Variants in CRTC3 observed in about 807,000 individuals in gnomAD.
The protein encoded by CRTC3 is CREB-regulated transcription coactivator 3.
A neutral mutation model predicts 74.5 loss-of-function variants in CRTC3; 26 were observed. The ratio of observed to expected loss-of-function variants is 0.35; its 90% CI spans 0.26 to 0.48. CRTC3 has a LOEUF of 0.48. CRTC3 is among the 20% of genes least tolerant of loss of function. The pLI, the probability that CRTC3 is intolerant of heterozygous loss-of-function variation, is 0.99. For missense variants in CRTC3, 760 were observed against 787.3 expected (o/e 0.97, Z 0.41); for synonymous variants, 377 against 325.8 (o/e 1.16, Z -1.69).
chr15:90,593,514 C>T lies in CRTC3; in HGVS notation c.232-122C>T. On this transcript the variant is annotated intron_variant, in intron 2 of 14. Coordinates refer to ENST00000268184, the MANE Select transcript of CRTC3 (RefSeq NM_022769.5). Reference sequence around the variant, plus strand: ...TTTATTTACCTTGACCCAAGGCCCACTAATGTATAATAAGTAAAACTGTAA... The same window carrying T: ...TTTATTTACCTTGACCCAAGGCCCATTAATGTATAATAAGTAAAACTGTAA... 11 of 1,105,950 alleles carry T rather than the reference C, an allele frequency of 9.9e-6. No individual in the cohort carries two copies. The South Asian group carries it at 1.0e-4, about 10-fold the overall frequency. The allele number at this position is 1,105,950 out of a possible 1,614,324, so 68.5% of individuals were successfully genotyped here. A position where few individuals can be genotyped will look rare whatever the true frequency, so the allele number is the denominator to read the frequency against.
chr15:90,543,115 G>C (rs1330471195), intron 2 of CRTC3, among the ~76,000 whole-genome samples: 2 of 141,240 alleles, frequency 1.4e-5, no homozygotes, highest in African/African-American at 5.4e-5. Flanking sequence ...GGGCAACATG[G>C]AGAGACCCTG....
intron 6 of CRTC3, among the ~76,000 whole-genome samples, chr15:90,608,367 C>T (rs546957360): frequency 6.6e-6 from 1 of 152,306 alleles, no homozygotes; most frequent in Non-Finnish European, 1.5e-5. Context: ...TCTCCCTTTT[C>T]TCTCTGCTCC....
At chr15:90,606,084 C>T (rs1312511966) in intron 5 of CRTC3, among the ~76,000 whole-genome samples, 2 of 151,738 alleles carry the variant, frequency 1.3e-5, no homozygotes, top group Non-Finnish European at 2.9e-5. Context: ...GGTGAAACAC[C>T]GTCTCTACTA....
chr15:90,631,237 G>A (rs1245798789), intron 11 of CRTC3, among the ~76,000 whole-genome samples: 6 of 152,144 alleles, frequency 3.9e-5, no homozygotes, highest in East Asian at 1.9e-4. Context: ...TCTTTTGGGC[G>A]AGGGTGAGAG....
At chr15:90,532,751 G>C (rs1310456435) in intron 1 of CRTC3, among the ~76,000 whole-genome samples, 1 of 152,192 alleles carries the variant, frequency 6.6e-6, no homozygotes, top group Non-Finnish European at 1.5e-5. Context: ...GGGAGTACTA[G>C]GAGGAGGAGT....
intron 2 of CRTC3, among the ~76,000 whole-genome samples, chr15:90,560,203 C>G (rs1441725293): frequency 1.3e-5 from 2 of 152,110 alleles, no homozygotes; most frequent in Non-Finnish European, 2.9e-5. Flanking sequence ...TTTATTCATT[C>G]AGCTAGTATT....
intron 11 of CRTC3, among the ~76,000 whole-genome samples, chr15:90,632,305 A>G (rs920815426): frequency 1.3e-5 from 2 of 152,000 alleles, no homozygotes; most frequent in Non-Finnish European, 2.9e-5. Flanking sequence ...GATTTTTTTT[A>G]AATGAATGTT....
chr15:90,534,509 G>T (rs1008905226), intron 1 of CRTC3, among the ~76,000 whole-genome samples: 1 of 152,176 alleles, frequency 6.6e-6, no homozygotes, highest in Non-Finnish European at 1.5e-5. Flanking sequence ...GGTGGCTTAA[G>T]TTCTGTATTT....
At chr15:90,548,829 G>A (rs996744531) in intron 2 of CRTC3, among the ~76,000 whole-genome samples, 4 of 152,130 alleles carry the variant, frequency 2.6e-5, no homozygotes, top group African/African-American at 4.8e-5. Context: ...TTCGACAATA[G>A]CACAATTCTA....
intron 2 of CRTC3, among the ~76,000 whole-genome samples, chr15:90,541,906 T>C (rs1022455044): frequency 1.3e-5 from 2 of 148,872 alleles, no homozygotes; most frequent in African/African-American, 5.0e-5. Context: ...TGCCTCAGCC[T>C]CCTGAGTAGC....
At chr15:90,622,802 G>T (rs1332148842) in intron 9 of CRTC3, among the ~76,000 whole-genome samples, 1 of 149,698 alleles carries the variant, frequency 6.7e-6, no homozygotes, top group Non-Finnish European at 1.5e-5. Context: ...AGTGAGCCAA[G>T]ATCGCACCAC....
rs1183474428 is a variant in CRTC3, at chr15:90,643,946, AC to A, written c.*1807del. 7 of 232,756 alleles carry A rather than the reference AC, an allele frequency of 3.0e-5. No homozygotes were observed. In the East Asian group the frequency reaches 4.2e-4, roughly 14 times the overall value. The allele number at this position is 232,756 out of a possible 1,614,324, so 14.4% of individuals were successfully genotyped here. On this transcript the variant is annotated 3_prime_UTR_variant, in exon 15 of 15. Transcript: ENST00000268184. The stretch of plus-strand genomic sequence containing the variant: ...CCCTTATGTAAAAGGAGTCGTGGTC[AC>A]AAGACCCTGGGCTGGTTAGCCTCTC...
intron 2 of CRTC3, among the ~76,000 whole-genome samples, chr15:90,542,658 C>T (rs905405025): frequency 7.9e-5 from 12 of 152,324 alleles, no homozygotes; most frequent in Admixed American, 1.3e-4. Flanking sequence ...ACTGCATTCA[C>T]CAAATGTCCC....
At chr15:90,572,916 A>C (rs1353571413) in intron 2 of CRTC3, among the ~76,000 whole-genome samples, 1 of 152,228 alleles carries the variant, frequency 6.6e-6, no homozygotes, top group Non-Finnish European at 1.5e-5. Flanking sequence ...TAAAAAACAC[A>C]TAACTTAAAA....
chr15:90,601,098 A>C (rs1023555804), intron 3 of CRTC3, among the ~76,000 whole-genome samples: 11 of 152,252 alleles, frequency 7.2e-5, no homozygotes, highest in Non-Finnish European at 2.9e-5. Context: ...AAATCATTGA[A>C]GATTTCTTAG....
chr15:90,580,222 C>G (rs1299948522), intron 2 of CRTC3, among the ~76,000 whole-genome samples: 1 of 152,106 alleles, frequency 6.6e-6, no homozygotes, highest in Non-Finnish European at 1.5e-5. Context: ...TGGTTAATCA[C>G]TGTTCCCTTG....
rs1372123877 is a variant in CRTC3 at position 90,642,758 on chromosome 15, C to T, written c.*618C>T. On this transcript the variant is annotated 3_prime_UTR_variant, in exon 15 of 15. Transcript: ENST00000268184. ...ACTGAAGGCTAATTTTCATTTTCTC[C>T]CAGCTGGTTTCTGCTGCTTCAGAAA... is the stretch of plus-strand genomic sequence containing the variant. 4.3e-6 allele frequency: 1 copy of T among 231,868 alleles called. No homozygotes were observed. Among genetic ancestry groups the T allele is most frequent in the Admixed American group, 5.6e-5 (1 of 17,798 alleles). The allele number at this position is 231,868 out of a possible 1,614,324, so 14.4% of individuals were successfully genotyped here.
chr15:90,533,917 A>T (rs966881427), intron 1 of CRTC3, among the ~76,000 whole-genome samples: 1 of 152,064 alleles, frequency 6.6e-6, no homozygotes, highest in Non-Finnish European at 1.5e-5. Flanking sequence ...CAGAGAACAG[A>T]GATTCAGTAA....
intron 2 of CRTC3, among the ~76,000 whole-genome samples, chr15:90,570,865 C>T (rs974217452): frequency 2.6e-5 from 4 of 151,810 alleles, no homozygotes; most frequent in African/African-American, 7.3e-5. Flanking sequence ...ACAAAAGGCT[C>T]GTGCTTCAGC....
Sources: allele counts gnomAD v4.1 joint callset (sites outside exome capture counted in the v4.1 genomes callset), GRCh38; gene constraint gnomAD v4.1.1; transcripts MANE v1.5; gene names NCBI Gene and HGNC (gene_info 2026-07-23, HGNC 2026-07-21).